DSP: variants seen among roughly 807,000 people sequenced by gnomAD.
DSP encodes the protein 250/210 kDa paraneoplastic pemphigus antigen.
DSP carries 114 observed loss-of-function variants against 290.6 expected under a neutral mutation model. The observed-to-expected ratio is 0.39, with a 90% CI of 0.34 to 0.46. The LOEUF is 0.46. Ranked by LOEUF, DSP falls within the 20% of genes least tolerant of loss-of-function variation. DSP has a pLI of 0.99. For synonymous variants in DSP, 1,311 were observed against 1,316.4 expected (o/e 1.00, Z 0.09); for missense variants, 3,230 against 3,495.8 (o/e 0.92, Z 1.92).
rs913008371 is a variant in DSP at position 7,569,448 on chromosome 6, A to G, written c.1574+108A>G. 4 of 1,530,564 alleles carry G rather than the reference A, an allele frequency of 2.6e-6. No homozygotes were observed. The African/African-American group carries it at 5.5e-5, about 21-fold the overall frequency. 94.8% of individuals were successfully genotyped at this position (1,530,564 alleles called of 1,614,324 possible). ...CTTAGACACACGATGCCTTGCCATA[A>G]TAAACACCTTCTAAAAAAAGGAACC... is the stretch of plus-strand genomic sequence containing the variant. On this transcript the variant is annotated intron_variant, in intron 12 of 23. Coordinates refer to ENST00000379802, the MANE Select transcript of DSP (RefSeq NM_004415.4).
chr6:7,559,145 C>T (rs1758593977), intron 3 of DSP, 81 bp from the exon 4 acceptor site: 1 of 1,514,184 alleles, frequency 6.6e-7, no homozygotes. Flanking sequence ...ACACAAAAGA[C>T]TCAGAAAAGG....
intron 1 of DSP, among the ~76,000 whole-genome samples, chr6:7,553,781 T>C (rs1207306440): frequency 2.0e-5 from 3 of 152,160 alleles, no homozygotes; most frequent in African/African-American, 7.2e-5. Context: ...GAGAGCTGGA[T>C]GGCTCTGGCA....
rs1357740012 is a variant in DSP at position 7,579,274 on chromosome 6, G to A, written c.3085-1G>A. ...ACATAATCTCTGATTTCATTCCACA[G>A]CTGAAAAATACCAAGATCGAAGTTT... On this transcript the variant is annotated splice_acceptor_variant, in intron 22 of 23. Coordinates refer to ENST00000379802, the MANE Select transcript of DSP (RefSeq NM_004415.4). LOFTEE classifies it high-confidence loss of function. This position sits in a 1 kb window ranked among gnomAD's most constrained non-coding sequence, Gnocchi z 4.1. The A allele has an allele frequency of 6.2e-7, 1 of 1,614,060 alleles. No individual in the cohort carries two copies. The highest frequency in any genetic ancestry group is 8.5e-7 in the Non-Finnish European group (1 of 1,179,982).
chr6:7,581,236 T>C lies in DSP; in HGVS notation c.5046T>C (p.Asn1682=). 1.2e-6 allele frequency: 2 copies of C among 1,614,140 alleles called. No homozygotes were observed. The highest frequency in any genetic ancestry group is 2.2e-5 in the East Asian group (1 of 44,884). The stretch of plus-strand genomic sequence containing the variant: ...GTGTCAAACAAGCTCACTTGAGGAA[T>C]GAGCATTTCCAGAAGGCGATAGAAG... The part of the protein sequence containing the change: ...QESVKQAHLR[N]EHFQKAIEDK... The change falls in exon 23 of 24, where the codon AAT becomes AAC. Residue 1682 remains asparagine, a synonymous_variant. Coordinates refer to ENST00000379802, the MANE Select transcript of DSP (RefSeq NM_004415.4).
At chr6:7,577,669 G>A (rs1759281670) in intron 20 of DSP, 110 bp from the exon 21 acceptor site, 1 of 904,936 alleles carries the variant, frequency 1.1e-6, no homozygotes, top group East Asian at 2.4e-5. Flanking sequence ...AGTCTTTGGA[G>A]TGGGCAATTA....
intron 1 of DSP, among the ~76,000 whole-genome samples, chr6:7,549,785 G>A (rs1463668025): frequency 1.3e-5 from 2 of 152,058 alleles, no homozygotes; most frequent in African/African-American, 2.4e-5. Flanking sequence ...GATGGAAAGA[G>A]GAAGGAAGGA....
chr6:7,574,188 G>A lies in DSP; in HGVS notation c.2233G>A (p.Glu745Lys), dbSNP rs1307574877. 1 of 1,614,082 alleles carries A rather than the reference G, an allele frequency of 6.2e-7. No homozygotes were observed. Among genetic ancestry groups the A allele is most frequent in the East Asian group, 2.2e-5 (1 of 44,858 alleles). ...GSEKYCYLQN[E>K]VFGLFQKLEN... ...TGAAAAGTACTGCTATTTACAGAAT[G>A]AAGTATTTGGACTATTTCAGAAACT... Residue 745 changes from glutamate (E) to lysine (K), a missense_variant, in exon 16 of 24, where the codon GAA (glutamate) becomes AAA (lysine). Coordinates refer to ENST00000379802, the MANE Select transcript of DSP (RefSeq NM_004415.4).
chr6:7,566,183 G>A (rs1018142623), intron 7 of DSP, among the ~76,000 whole-genome samples, 194 bp from the exon 8 acceptor site: 1 of 152,084 alleles, frequency 6.6e-6, no homozygotes, highest in Non-Finnish European at 1.5e-5. Context: ...GTAAGCCTCT[G>A]CCACATCCTC....
chr6:7,579,275 C>A lies in DSP; in HGVS notation c.3085C>A (p.Leu1029Met). Residue 1029 changes from leucine to methionine, a missense_variant and splice_region_variant, in exon 23 of 24, where the codon CTG becomes ATG. By Grantham distance (15) the Leu-to-Met change is conservative (BLOSUM62 2). Around this residue, in one of 5 missense-constraint regions of DSP, gnomAD observed 1,714 missense variants for 1,844.5 expected, o/e 0.93. Transcript: ENST00000379802. This position sits in a 1 kb window ranked among gnomAD's most constrained non-coding sequence, Gnocchi z 4.1. ...EMLKSLEDLK[L>M]KNTKIEVLEE... Reference sequence around the variant, plus strand: ...CATAATCTCTGATTTCATTCCACAGCTGAAAAATACCAAGATCGAAGTTTT... The same window carrying A: ...CATAATCTCTGATTTCATTCCACAGATGAAAAATACCAAGATCGAAGTTTT... The A allele has an allele frequency of 6.2e-7, 1 of 1,614,054 alleles. No individual in the cohort carries two copies. The highest frequency in any genetic ancestry group is 8.5e-7 in the Non-Finnish European group (1 of 1,179,994).
chr6:7,555,475 G>T (rs1758480198), intron 1 of DSP, among the ~76,000 whole-genome samples: 1 of 152,068 alleles, frequency 6.6e-6, no homozygotes, highest in African/African-American at 2.4e-5. Context: ...GGGTAGAAGG[G>T]CATGGTTATT....
In DSP at chr6:7,584,990, T is replaced by C. The variant is rs545149894; in HGVS notation, c.7728T>C (p.Gly2576=). The change falls in exon 24 of 24, where the codon GGT becomes GGC. Residue 2576 remains glycine, a synonymous_variant. Coordinates refer to ENST00000379802, the MANE Select transcript of DSP (RefSeq NM_004415.4). This position sits in a 1 kb window ranked among gnomAD's most constrained non-coding sequence, Gnocchi z 6.4. ...GVGTSSSMGS[G]VSDDVFSSSR... The stretch of plus-strand genomic sequence containing the variant: ...GCACCAGCAGCAGCATGGGCAGTGG[T>C]GTCAGCGATGATGTTTTTAGCAGCT... The C allele has an allele frequency of 1.2e-6, 2 of 1,614,110 alleles. No individual in the cohort carries two copies. Among genetic ancestry groups the C allele is most frequent in the Non-Finnish European group, 1.7e-6 (2 of 1,179,996 alleles).
In DSP at chr6:7,563,970, G is replaced by C. The variant is rs149668618; in HGVS notation, c.777+184G>C. ...GTTTTCTTTTCTTTTTTTCTTTTAA[G>C]TAGAGACAGGGTTTCACCATGTTCA... is the stretch of plus-strand genomic sequence containing the variant. On this transcript the variant is annotated intron_variant, in intron 6 of 23. Coordinates refer to ENST00000379802, the MANE Select transcript of DSP (RefSeq NM_004415.4). Among the ~76,000 whole-genome samples the C allele has an allele frequency of 2.8e-3, 423 of 152,176 alleles. 4 individuals carry two copies. Among genetic ancestry groups the C allele is most frequent in the African/African-American group, 9.6e-3 (400 of 41,506 alleles).
intron 5 of DSP, among the ~76,000 whole-genome samples, 191 bp downstream of exon 5, chr6:7,562,971 T>G (rs1300177850): frequency 6.6e-6 from 1 of 152,212 alleles, no homozygotes; most frequent in Non-Finnish European, 1.5e-5. Flanking sequence ...TGTTAACACT[T>G]GAAGAGGAGT....
Position 7,559,508 on chromosome 6 carries a change from G to C in DSP, c.597+108G>C, listed in dbSNP as rs944720034. On this transcript the variant is annotated intron_variant, in intron 4 of 23. Transcript: ENST00000379802. ...AAGAGTCTTCTAGACCTCAGGTGGC[G>C]GCAGCAGCTTGCTGTTTGCAGGATT... The C allele has an allele frequency of 1.1e-5, 15 of 1,406,188 alleles. No homozygotes were observed. In the African/African-American group the frequency reaches 1.4e-4, roughly 13 times the overall value. The allele number at this position is 1,406,188 out of a possible 1,614,324, so 87.1% of individuals were successfully genotyped here.
chr6:7,580,479 T>C lies in DSP; in HGVS notation c.4289T>C (p.Ile1430Thr). The change falls in exon 23 of 24, where the codon ATC (isoleucine) becomes ACC (threonine). Residue 1430 changes from isoleucine (I) to threonine (T), a missense_variant. Coordinates refer to ENST00000379802, the MANE Select transcript of DSP (RefSeq NM_004415.4). The surrounding 1 kb of genome is among the most constrained non-coding windows in gnomAD (Gnocchi z 4.2). ...AATCTCAGGAGGGTGGAAGAAGACA[T>C]CCAACAGCAAAAGGCCACTGGCTCT... ...TENLRRVEED[I>T]QQQKATGSEV... is the part of the protein sequence containing the mutation. 1.2e-6 allele frequency: 2 copies of C among 1,613,362 alleles called. No homozygotes were observed. Among genetic ancestry groups the C allele is most frequent in the Non-Finnish European group, 1.7e-6 (2 of 1,179,866 alleles).
rs1408456530 is a variant in DSP, at chr6:7,555,737, A to G, written c.190A>G (p.Arg64Gly). The G allele has an allele frequency of 6.2e-7, 1 of 1,614,252 alleles. No homozygotes were observed. The highest frequency in any genetic ancestry group is 1.1e-5 in the South Asian group (1 of 91,084). The change falls in exon 2 of 24, where the codon AGG (arginine) becomes GGG (glycine). Residue 64 changes from arginine to glycine, a missense_variant. By Grantham distance (125) the Arg-to-Gly change is moderately radical. Around this residue, in one of 5 missense-constraint regions of DSP, gnomAD observed 646 missense variants for 684.3 expected, o/e 0.94. Transcript: ENST00000379802. ...DGYCQTGTMS[R>G]HQNQNTIQEL... ...CCTTAGTCAAACCGGCACGATGTCCAGGCACCAGAACCAGAACACCATCCA... is the reference window on the plus strand; with the variant it reads ...CCTTAGTCAAACCGGCACGATGTCCGGGCACCAGAACCAGAACACCATCCA...
rs755981187 is a variant in DSP, at chr6:7,583,647, A to G, written c.6385A>G (p.Ile2129Val). The G allele has an allele frequency of 1.2e-6, 2 of 1,614,108 alleles. No homozygotes were observed. Among genetic ancestry groups the G allele is most frequent in the South Asian group, 2.2e-5 (2 of 91,070 alleles). ...CGGAATGCGCCTGCTGGAAGCCCAG[A>G]TTGCTTCAGGGGGTGTAGTAGACCC... Reference protein sequence around the residue: ...ETGMRLLEAQIASGGVVDPVN... With the variant: ...ETGMRLLEAQVASGGVVDPVN... The change falls in exon 24 of 24, where the codon ATT becomes GTT. Residue 2129 changes from isoleucine to valine, a missense_variant. Physicochemically the swap from Ile to Val is conservative, Grantham distance 29. Around this residue, in one of 5 missense-constraint regions of DSP, gnomAD observed 1,714 missense variants for 1,844.5 expected, o/e 0.93. Coordinates refer to ENST00000379802, the MANE Select transcript of DSP (RefSeq NM_004415.4). This position sits in a 1 kb window ranked among gnomAD's most constrained non-coding sequence, Gnocchi z 4.0.
At position 7,582,794 on chromosome 6, in the gene DSP, G is replaced by T; in HGVS notation, c.5532G>T (p.Glu1844Asp). 6.2e-7 allele frequency: 1 copy of T among 1,613,990 alleles called. No homozygotes were observed. The highest frequency in any genetic ancestry group is 8.5e-7 in the Non-Finnish European group (1 of 1,180,004). ...TGAATCGTGCAAAATCAACTCTAGA[G>T]GCAGAAACCAGGGTGAAACAGCGCC... ...DELNRAKSTL[E>D]AETRVKQRLE... The change falls in exon 24 of 24, where the codon GAG becomes GAT. Residue 1844 changes from glutamate to aspartate, a missense_variant. Glu to Asp is a conservative substitution (Grantham distance 45). Coordinates refer to ENST00000379802, the MANE Select transcript of DSP (RefSeq NM_004415.4). This position sits in a 1 kb window ranked among gnomAD's most constrained non-coding sequence, Gnocchi z 4.2.
At position 7,583,778 on chromosome 6, in the gene DSP, T is replaced by C. The variant is rs1266595950; in HGVS notation, c.6516T>C (p.Phe2172=). The C allele has an allele frequency of 3.7e-6, 6 of 1,613,908 alleles. No homozygotes were observed. Among genetic ancestry groups the C allele is most frequent in the Non-Finnish European group, 4.2e-6 (5 of 1,180,022 alleles). The change falls in exon 24 of 24, where the codon TTT becomes TTC. Residue 2172 remains phenylalanine (F), a synonymous_variant. Transcript: ENST00000379802. This position sits in a 1 kb window ranked among gnomAD's most constrained non-coding sequence, Gnocchi z 4.0. ...LNDPRDSQKN[F]VDPVTKKKVS... ...ATCCCCGAGATAGTCAGAAAAACTT[T>C]GTGGATCCAGTCACCAAAAAGAAGG... is the stretch of plus-strand genomic sequence containing the variant.
Sources: allele counts gnomAD v4.1 joint callset (sites outside exome capture counted in the v4.1 genomes callset), GRCh38; gene constraint gnomAD v4.1.1; regional missense constraint gnomAD v4.1.1; non-coding constraint Gnocchi (gnomAD v3.1); transcripts MANE v1.5; gene names NCBI Gene and HGNC (gene_info 2026-07-23, HGNC 2026-07-21).